Variants in TPO observed in about 807,000 individuals in gnomAD.
TPO encodes thyroid microsomal antigen.
Under a neutral mutation model 96.9 loss-of-function variants are expected in TPO, and 78 were observed. That is an observed-to-expected ratio of 0.81 (90% CI 0.67 to 0.97). The LOEUF (loss-of-function observed/expected upper bound fraction) is 0.97. Ranked by LOEUF, TPO falls within the 50% of genes least tolerant of loss-of-function variation. The probability of loss-of-function intolerance (pLI) is 0.00; values close to 1 mark genes in which losing one functional copy is unlikely to be tolerated. For missense variants in TPO, 1,252 were observed against 1,274.8 expected, an observed-to-expected ratio of 0.98 and a Z score of 0.27; for synonymous variants, 547 against 538.0, an observed-to-expected ratio of 1.02 and a Z score of -0.23.
intron 10 of TPO, among the ~76,000 whole-genome samples, chr2:1,488,245 C>T (rs562326354): frequency 2.6e-5 from 4 of 152,216 alleles, no homozygotes; most frequent in Non-Finnish European, 4.4e-5. Context: ...GAGAAACAGC[C>T]GCTTCTAGTA....
At chr2:1,510,249 G>A (rs1673961582) in intron 14 of TPO, among the ~76,000 whole-genome samples, 1 of 151,912 alleles carries the variant, frequency 6.6e-6, no homozygotes, top group South Asian at 2.1e-4. Context: ...TTCACAGAGA[G>A]GAGCTCAGCT....
chr2:1,467,504 C>T (rs1210279680), intron 7 of TPO, among the ~76,000 whole-genome samples: 1 of 152,102 alleles, frequency 6.6e-6, no homozygotes, highest in African/African-American at 2.4e-5. Context: ...TTTGAAGGTT[C>T]CTTTTGGAGT....
At chr2:1,414,120 A>G (rs1662631605) in intron 1 of TPO, among the ~76,000 whole-genome samples, 1 of 152,194 alleles carries the variant, frequency 6.6e-6, no homozygotes, top group South Asian at 2.1e-4. Flanking sequence ...CAAAAATTTA[A>G]ATAGGTTATT....
chr2:1,513,020 G>A (rs751981950), intron 14 of TPO, among the ~76,000 whole-genome samples: 22 of 152,338 alleles, frequency 1.4e-4, no homozygotes, highest in South Asian at 6.2e-4. Context: ...CCCTGCTCCC[G>A]TGCAAGCAGC....
chr2:1,490,903 G>A (rs1318635942), intron 10 of TPO, among the ~76,000 whole-genome samples: 2 of 152,200 alleles, frequency 1.3e-5, no homozygotes, highest in East Asian at 1.9e-4. Context: ...TGGGCACAGT[G>A]GCTCACGCCT....
chr2:1,476,443 G>C (rs1213932598), intron 7 of TPO, among the ~76,000 whole-genome samples: 1 of 152,176 alleles, frequency 6.6e-6, no homozygotes, highest in South Asian at 2.1e-4. Flanking sequence ...GATGGAAGCT[G>C]GCCACAGCCA....
chr2:1,469,936 A>C (rs76368058), intron 7 of TPO, among the ~76,000 whole-genome samples: 5,523 of 152,118 alleles, frequency 0.036, 149 homozygotes, highest in Middle Eastern at 0.12. Context: ...ACCTCCACAC[A>C]CTGCTCTGTT....
At chr2:1,483,981 T>A (rs1321285105) in intron 8 of TPO, among the ~76,000 whole-genome samples, 1 of 152,224 alleles carries the variant, frequency 6.6e-6, no homozygotes, top group Non-Finnish European at 1.5e-5. Flanking sequence ...CTATTATGCT[T>A]CATTTGGATG....
intron 5 of TPO, among the ~76,000 whole-genome samples, chr2:1,449,069 G>A (rs1023904901): frequency 4.6e-5 from 7 of 152,172 alleles, no homozygotes; most frequent in African/African-American, 1.4e-4. Flanking sequence ...TTCACGTTCT[G>A]TCCAATACAG....
At chr2:1,450,368 T>C (rs1667199931) in intron 5 of TPO, among the ~76,000 whole-genome samples, 2 of 152,194 alleles carry the variant, frequency 1.3e-5, no homozygotes, top group Non-Finnish European at 2.9e-5. Context: ...GCCAGGTGCC[T>C]GGGAGAGGGG....
intron 14 of TPO, among the ~76,000 whole-genome samples, chr2:1,508,316 T>C (rs936694901): frequency 1.3e-5 from 2 of 152,210 alleles, no homozygotes; most frequent in African/African-American, 2.4e-5. Flanking sequence ...TTTGCATCAA[T>C]GTTCATCAAG....
chr2:1,381,776 T>C (rs1383845508), intron 1 of TPO, among the ~76,000 whole-genome samples: 1 of 152,152 alleles, frequency 6.6e-6, no homozygotes, highest in Non-Finnish European at 1.5e-5. Flanking sequence ...CCACATCCTT[T>C]TAGGAGCTAC....
At chr2:1,442,159 C>T (rs1235054859) in intron 5 of TPO, among the ~76,000 whole-genome samples, 2 of 152,200 alleles carry the variant, frequency 1.3e-5, no homozygotes, top group African/African-American at 4.8e-5. Context: ...GTCCATTAAA[C>T]CTCCTTTTCT....
intron 2 of TPO, among the ~76,000 whole-genome samples, chr2:1,421,859 G>T (rs142420463): frequency 2.8e-4 from 42 of 152,262 alleles, no homozygotes; most frequent in African/African-American, 9.9e-4. Flanking sequence ...GTCCCACATT[G>T]CACTGTCCCC....
chr2:1,406,962 G>A (rs1413150939), intron 1 of TPO, among the ~76,000 whole-genome samples: 2 of 152,184 alleles, frequency 1.3e-5, no homozygotes, highest in Non-Finnish European at 2.9e-5. Context: ...TGTATTATGT[G>A]CAGGACAATG....
At chr2:1,382,688 T>C (rs999919634) in intron 1 of TPO, among the ~76,000 whole-genome samples, 1 of 152,114 alleles carries the variant, frequency 6.6e-6, no homozygotes, top group East Asian at 1.9e-4. Context: ...CTGGACTACA[T>C]AGATATGTAA....
rs555626773 is a variant in TPO at position 1,451,305 on chromosome 2, C to G, written c.483-2389C>G. Among the ~76,000 whole-genome samples the G allele has an allele frequency of 7.2e-5, 11 of 152,302 alleles. No homozygotes were observed. The East Asian group carries it at 2.1e-3, about 29-fold the overall frequency. ...GAACCTTAGTCCTTTCATTCCTGTG[C>G]AGAACATCTAAATCGGTCACATTTA... On this transcript the variant is annotated intron_variant, in intron 5 of 16. Coordinates refer to ENST00000329066, the MANE Select transcript of TPO (RefSeq NM_001206744.2).
intron 15 of TPO, among the ~76,000 whole-genome samples, chr2:1,531,695 T>G (rs1424697636): frequency 1.3e-5 from 1 of 78,292 alleles, no homozygotes; most frequent in Non-Finnish European, 2.6e-5. Flanking sequence ...CGCCCACTCT[T>G]TGCAACCTCG....
rs4927578 is a variant in TPO, at chr2:1,433,638, C to T, written c.349+31C>T. On this transcript the variant is annotated intron_variant, in intron 4 of 16. Coordinates refer to ENST00000329066, the MANE Select transcript of TPO (RefSeq NM_001206744.2). ...GTGTGCCCCTCTCCCCACTGAGGAGCGGCAACTCCCGAAGGAGGACACCTT... is the reference window on the plus strand; with the variant it reads ...GTGTGCCCCTCTCCCCACTGAGGAGTGGCAACTCCCGAAGGAGGACACCTT... 0.57 allele frequency: 916,164 copies of T among 1,605,296 alleles called. 266,426 individuals are homozygous for T. Among genetic ancestry groups the T allele is most frequent in the East Asian group, 0.61 (27,324 of 44,552 alleles).
Sources: gnomAD v4.1 joint callset for allele counts (sites outside exome capture counted in the v4.1 genomes callset) on GRCh38, gnomAD v4.1.1 for gene constraint, MANE v1.5 for transcripts, NCBI Gene and HGNC (gene_info 2026-07-23, HGNC 2026-07-21) for gene names.